The following RBFOX1 variants were observed in gnomAD, a reference collection of about 807,000 sequenced individuals.
RBFOX1 encodes the protein RNA binding fox-1 homolog 1.
In RBFOX1, 8 loss-of-function variants were observed where a neutral mutation model predicts 57.7. That is an observed-to-expected ratio of 0.14 (90% confidence interval 0.08 to 0.25). The LOEUF (loss-of-function observed/expected upper bound fraction) is 0.25, where lower values mean the gene tolerates loss of function less well. Ranked by LOEUF, RBFOX1 falls within the 10% of genes least tolerant of loss-of-function variation. The probability of loss-of-function intolerance (pLI) is 1.00; values close to 1 mark genes in which losing one functional copy is unlikely to be tolerated. For synonymous variants in RBFOX1, 326 were observed against 222.4 expected (o/e 1.47, Z -4.15); for missense variants, 611 against 548.5 (o/e 1.11, Z -1.14).
At chr16:7,221,082 AG>A (rs2092692519) in intron 4 of RBFOX1, among the ~76,000 whole-genome samples, 1 of 152,132 alleles carries the variant, frequency 6.6e-6, no homozygotes, top group Non-Finnish European at 1.5e-5. Context: ...AAATGAAGCC[AG>A]GTTGATGTGA....
At chr16:7,226,301 T>C (rs1166018824) in intron 4 of RBFOX1, among the ~76,000 whole-genome samples, 2 of 152,032 alleles carry the variant, frequency 1.3e-5, no homozygotes, top group African/African-American at 2.4e-5. Flanking sequence ...AGCTACGGAG[T>C]TCTCTGAAAC....
At chr16:7,482,186 G>C (rs10852684) in intron 4 of RBFOX1, among the ~76,000 whole-genome samples, 62,579 of 152,074 alleles carry the variant, frequency 0.41, 13,722 homozygotes, top group Middle Eastern at 0.52. Flanking sequence ...AAGGGTTACA[G>C]AATCTAATAT....
intron 2 of RBFOX1, among the ~76,000 whole-genome samples, chr16:6,477,867 C>A (rs1474114326): frequency 1.3e-5 from 2 of 152,210 alleles, no homozygotes; most frequent in Admixed American, 6.5e-5. Context: ...TCTCCATCAG[C>A]ACTTGCCATT....
At chr16:6,772,941 T>C (rs151221506) in intron 3 of RBFOX1, among the ~76,000 whole-genome samples, 1 of 147,724 alleles carries the variant, frequency 6.8e-6, no homozygotes, top group African/African-American at 2.5e-5. Context: ...TGTGTGTGTG[T>C]GTATCTATAT....
At chr16:7,065,281 T>A (rs1209906930) in intron 4 of RBFOX1, among the ~76,000 whole-genome samples, 2 of 152,160 alleles carry the variant, frequency 1.3e-5, no homozygotes, top group Non-Finnish European at 2.9e-5. Context: ...GCCCGTGTGG[T>A]CCTTTTAGGG....
intron 2 of RBFOX1, among the ~76,000 whole-genome samples, chr16:5,497,607 T>C (rs2043043367): frequency 8.6e-6 from 1 of 116,062 alleles, no homozygotes; most frequent in Admixed American, 8.0e-5. Flanking sequence ...TGAAACCCTA[T>C]CTCTACTAAA....
chr16:5,241,339 G>T lies in RBFOX1; in HGVS notation c.219+1234G>T, dbSNP rs192174222. Among the ~76,000 whole-genome samples, 59 of 152,310 alleles carry T rather than the reference G, an allele frequency of 3.9e-4. No individual in the cohort carries two copies. In the East Asian group the frequency reaches 0.01, roughly 26 times the overall value. ...GGACAGTTCTCTGGTAGGTTTTCCA[G>T]GGCCGATCACGGAAAGGATGAGACA... On this transcript the variant is annotated intron_variant, in intron 1 of 2. Coordinates refer to the RBFOX1 transcript ENST00000585867.
intron 4 of RBFOX1, among the ~76,000 whole-genome samples, chr16:7,340,635 A>G (rs868559491): frequency 6.6e-6 from 1 of 152,238 alleles, no homozygotes; most frequent in South Asian, 2.1e-4. Flanking sequence ...CCATGCAGCC[A>G]CACCACTTCT....
intron 1 of RBFOX1, among the ~76,000 whole-genome samples, chr16:5,315,527 T>C (rs1388965335): frequency 6.6e-6 from 1 of 152,120 alleles, no homozygotes; most frequent in Non-Finnish European, 1.5e-5. Context: ...TGCAGGTGTT[T>C]TGAGCTGGGA....
intron 1 of RBFOX1, among the ~76,000 whole-genome samples, chr16:6,118,623 C>CCTCCCTCT (rs990093261): frequency 6.6e-6 from 1 of 150,538 alleles, no homozygotes; most frequent in Non-Finnish European, 1.5e-5. Flanking sequence ...TGCTCTCCTC[C>CCTCCCTCT]CTCCCTCTCT....
intron 2 of RBFOX1, among the ~76,000 whole-genome samples, chr16:5,579,910 C>T (rs933204018): frequency 3.9e-5 from 6 of 152,060 alleles, no homozygotes; most frequent in African/African-American, 1.4e-4. Flanking sequence ...CAGGTGCCTG[C>T]CACCACGCCC....
chr16:6,706,464 C>A (rs746554013), intron 3 of RBFOX1, among the ~76,000 whole-genome samples: 4 of 152,168 alleles, frequency 2.6e-5, no homozygotes, highest in Non-Finnish European at 4.4e-5. Context: ...TGGGGGGCCC[C>A]TGTAGGACAG....
At chr16:7,216,996 C>CTTCCTTCCTCCCT (rs1567748018) in intron 4 of RBFOX1, among the ~76,000 whole-genome samples, 31 of 106,138 alleles carry the variant, frequency 2.9e-4, no homozygotes, top group African/African-American at 6.8e-4. Flanking sequence ...TCCTTCCTTC[C>CTTCCTTCCTCCCT]TCCCTCCCTC....
intron 4 of RBFOX1, among the ~76,000 whole-genome samples, chr16:7,084,635 A>T (rs1436450766): frequency 1.3e-5 from 2 of 152,178 alleles, no homozygotes; most frequent in African/African-American, 2.4e-5. Context: ...ACATTTCTTC[A>T]AATTGAGCTT....
At chr16:7,617,477 A>C (rs971900979) in intron 10 of RBFOX1, among the ~76,000 whole-genome samples, 1 of 152,158 alleles carries the variant, frequency 6.6e-6, no homozygotes, top group African/African-American at 2.4e-5. Context: ...GCTCAGCGGT[A>C]ATAAAGCCAC....
intron 3 of RBFOX1, among the ~76,000 whole-genome samples, chr16:6,941,752 A>G (rs1351715982): frequency 1.3e-5 from 2 of 152,180 alleles, no homozygotes; most frequent in Admixed American, 1.3e-4. Context: ...TGGTAACTAT[A>G]CCAAGCAAGA....
chr16:6,663,047 T>C (rs2098711104), intron 3 of RBFOX1, among the ~76,000 whole-genome samples: 2 of 152,144 alleles, frequency 1.3e-5, no homozygotes, highest in African/African-American at 4.8e-5. Context: ...ATTTTGTAAG[T>C]TTCAAACTCT....
chr16:6,881,080 T>C (rs1567694004), intron 3 of RBFOX1, among the ~76,000 whole-genome samples: 1 of 152,190 alleles, frequency 6.6e-6, no homozygotes, highest in East Asian at 1.9e-4. Context: ...CATGGCACTT[T>C]TACCCACTGA....
At position 5,903,640 on chromosome 16, in the gene RBFOX1, A is replaced by T. The variant is rs113458642; in HGVS notation, c.351+36305A>T. 5.6e-3 allele frequency among the ~76,000 whole-genome samples: 848 copies of T among 152,266 alleles called. 10 individuals are homozygous for T. The highest frequency in any genetic ancestry group is 0.019 in the African/African-American group (810 of 41,546). On this transcript the variant is annotated intron_variant, in intron 4 of 19. Coordinates refer to the RBFOX1 transcript ENST00000641259. ...AGACCTATGAGAACTCAGAGGCTGA[A>T]AAAAAGTCTATGTGTTTGGGGGCAC... is the stretch of plus-strand genomic sequence containing the variant.
Sources: allele counts gnomAD v4.1 joint callset (sites outside exome capture counted in the v4.1 genomes callset), GRCh38; gene constraint gnomAD v4.1.1; transcripts MANE v1.5; gene names NCBI Gene and HGNC (gene_info 2026-07-23, HGNC 2026-07-21).